The following TTLL3 variants were observed in gnomAD, a reference collection of about 807,000 sequenced individuals.
TTLL3 encodes the protein tubulin tyrosine ligase like 3.
Under a neutral mutation model 75.2 loss-of-function variants are expected in TTLL3, and 63 were observed. The ratio of observed to expected loss-of-function variants is 0.84; its 90% CI spans 0.68 to 1.03. The LOEUF is 1.03. Ranked by LOEUF, TTLL3 falls within the 50% of genes least tolerant of loss-of-function variation. The pLI, the probability that TTLL3 is intolerant of heterozygous loss-of-function variation, is 0.00. For synonymous variants in TTLL3, 393 were observed against 418.5 expected (o/e 0.94, Z 0.74); for missense variants, 997 against 1,069.9 (o/e 0.93, Z 0.95).
intron 8 of TTLL3, among the ~76,000 whole-genome samples, chr3:9,825,071 G>A (rs911703767): frequency 1.3e-5 from 2 of 152,156 alleles, no homozygotes; most frequent in Admixed American, 6.5e-5. Context: ...TGGGACCAGA[G>A]CTGGGTGTGG....
At chr3:9,811,542 C>G (rs1407875810) in intron 2 of TTLL3, among the ~76,000 whole-genome samples, 4 of 152,234 alleles carry the variant, frequency 2.6e-5, no homozygotes, top group African/African-American at 9.6e-5. Context: ...GATTTCTCTC[C>G]TAGGCAAACT....
intron 13 of TTLL3, 83 bp downstream of exon 13, chr3:9,834,990 C>T (rs1575423085): frequency 1.2e-6 from 2 of 1,605,972 alleles, no homozygotes; most frequent in East Asian, 4.5e-5. Context: ...GAGGGCAGCT[C>T]CCAGGCTGGC....
chr3:9,810,141 A>G (rs1342958207), upstream of TTLL3: 24 of 1,475,170 alleles, frequency 1.6e-5, no homozygotes, highest in Non-Finnish European at 2.1e-5. This position sits in a 1 kb window ranked among gnomAD's most constrained non-coding sequence, Gnocchi z 4.4. Context: ...CGCTCGAGCC[A>G]CGCACCAGTT....
At chr3:9,833,386 GC>G in intron 12 of TTLL3, 141 bp downstream of exon 12, 1 of 1,342,362 alleles carries the variant, frequency 7.4e-7, no homozygotes, top group Non-Finnish European at 1.0e-6. Flanking sequence ...GGCGAAAAGG[GC>G]CACAGCCCTG....
intron 11 of TTLL3, among the ~76,000 whole-genome samples, chr3:9,830,220 G>A (rs1384433252): frequency 6.6e-6 from 1 of 152,154 alleles, no homozygotes; most frequent in Admixed American, 6.5e-5. Context: ...TACCTAATAA[G>A]GTTAGGAGTT....
intron 2 of TTLL3, 140 bp from the exon 3 acceptor site, chr3:9,812,803 T>C: frequency 1.0e-6 from 1 of 981,344 alleles, no homozygotes; most frequent in Non-Finnish European, 1.4e-6. Context: ...TCTACTTATT[T>C]ATAGTCTGTT....
intron 4 of TTLL3, among the ~76,000 whole-genome samples, chr3:9,815,160 G>A (rs969784887): frequency 2.0e-5 from 3 of 150,036 alleles, no homozygotes; most frequent in African/African-American, 7.4e-5. Flanking sequence ...GAATCAACTT[G>A]AACCCAGGAG....
intron 10 of TTLL3, 183 bp downstream of exon 10, chr3:9,827,423 G>T: frequency 1.7e-6 from 2 of 1,149,620 alleles, no homozygotes; most frequent in Non-Finnish European, 2.4e-6. Flanking sequence ...TAACAGACAG[G>T]GGGCGGTCTC....
At position 9,813,337 on chromosome 3, in the gene TTLL3, G is replaced by A; in HGVS notation, c.307G>A (p.Ala103Thr). ...LKFDDLDGTH[A>T]LMSRMVQNEI... ...ATTTGATGACCTAGATGGAACACAT[G>A]CTCTGATGGTGAGGGCCCTGGGGGC... The change falls in exon 4 of 14, where the codon GCT becomes ACT. Residue 103 changes from alanine to threonine, a missense_variant. Transcript: ENST00000685419. 3 of 1,614,150 alleles carry A rather than the reference G, an allele frequency of 1.9e-6. No individual in the cohort carries two copies. The highest frequency in any genetic ancestry group is 2.5e-6 in the Non-Finnish European group (3 of 1,180,034).
chr3:9,823,360 G>A (rs1211278073), intron 8 of TTLL3, among the ~76,000 whole-genome samples: 2 of 151,746 alleles, frequency 1.3e-5, no homozygotes, highest in Non-Finnish European at 2.9e-5. Flanking sequence ...CTCCAGCCTG[G>A]GCAACAGAGC....
At chr3:9,819,364 G>T in intron 7 of TTLL3, 1 of 305,498 alleles carries the variant, frequency 3.3e-6, no homozygotes. Flanking sequence ...TTCTGTCCCA[G>T]GTACTTAGAC....
At chr3:9,830,574 G>A (rs183968211) in intron 11 of TTLL3, among the ~76,000 whole-genome samples, 24 of 152,234 alleles carry the variant, frequency 1.6e-4, no homozygotes, top group Middle Eastern at 3.4e-3. Context: ...ATATATTGGC[G>A]TTTTGGTTTC....
chr3:9,817,634 T>G lies in TTLL3; in HGVS notation c.445-11T>G, dbSNP rs1185299664. 6.2e-7 allele frequency: 1 copy of G among 1,613,970 alleles called. No individual in the cohort carries two copies. The highest frequency in any genetic ancestry group is 1.1e-5 in the South Asian group (1 of 91,068). On this transcript the variant is annotated splice_polypyrimidine_tract_variant and intron_variant, in intron 5 of 13. Transcript: ENST00000685419. ...AGTCCTGCCCTGCCCTCTCAGTGGC[T>G]AACTCCGTAGGTGGGTCTATGTCTC...
At chr3:9,816,940 G>C (rs1343977438) in intron 5 of TTLL3, among the ~76,000 whole-genome samples, 1 of 152,152 alleles carries the variant, frequency 6.6e-6, no homozygotes, top group Non-Finnish European at 1.5e-5. Context: ...TATATTATTG[G>C]TGTGGGTTAG....
At chr3:9,817,351 G>A (rs1301324186) in intron 5 of TTLL3, 2 of 829,184 alleles carry the variant, frequency 2.4e-6, no homozygotes, top group Non-Finnish European at 2.9e-6. Flanking sequence ...GTGAACCCGG[G>A]AGGCAGAGCT....
At chr3:9,817,953 C>G (rs2080045267) in intron 6 of TTLL3, 194 bp downstream of exon 6, 1 of 703,452 alleles carries the variant, frequency 1.4e-6, no homozygotes, top group Admixed American at 3.0e-5. Context: ...TTGGTCAACT[C>G]TGACCTCCAG....
At chr3:9,820,934 A>G (rs1303981533) in intron 8 of TTLL3, 193 bp downstream of exon 8, 22 of 885,942 alleles carry the variant, frequency 2.5e-5, no homozygotes, top group Non-Finnish European at 3.6e-5. Flanking sequence ...TTGGCATAGC[A>G]TAGTCACTAA....
chr3:9,810,326 A>C lies in TTLL3; in HGVS notation c.-110A>C. ...ACGCTGGTCCCAGGCACCCACGCCC[A>C]GGGCGCCTCGGATACCCACCCCCTC... is the stretch of plus-strand genomic sequence containing the variant. On this transcript the variant is annotated 5_prime_UTR_variant, in exon 1 of 14. Coordinates refer to ENST00000685419, the MANE Select transcript of TTLL3 (RefSeq NM_001387446.1). The surrounding 1 kb of genome is among the most constrained non-coding windows in gnomAD (Gnocchi z 4.4). 1 of 1,464,680 alleles carries C rather than the reference A, an allele frequency of 6.8e-7. No individual in the cohort carries two copies. The highest frequency in any genetic ancestry group is 8.9e-7 in the Non-Finnish European group (1 of 1,119,938). 90.7% of individuals were successfully genotyped at this position (1,464,680 alleles called of 1,614,324 possible).
upstream of TTLL3, chr3:9,809,997 C>CAGGGGCCCTGGGAGGGCGAGCGCGTT (rs2079193826): frequency 1.1e-4 from 32 of 287,318 alleles, no homozygotes; most frequent in Admixed American, 7.1e-3. Context: ...GCGAGCGCGG[C>CAGGGGCCCTGGGAGGGCGAGCGCGTT]GAGGGGCGCA....
Sources: allele counts gnomAD v4.1 joint callset (sites outside exome capture counted in the v4.1 genomes callset), GRCh38; gene constraint gnomAD v4.1.1; non-coding constraint Gnocchi (gnomAD v3.1); transcripts MANE v1.5; gene names NCBI Gene and HGNC (gene_info 2026-07-23, HGNC 2026-07-21).